The following ZNF804B variants were observed in gnomAD, a reference collection of about 807,000 sequenced individuals.
The protein encoded by ZNF804B is zinc finger protein 804B.
ZNF804B carries 80 observed loss-of-function variants against 101.4 expected under a neutral mutation model. The observed-to-expected ratio is 0.79, with a 90% CI of 0.66 to 0.95. The LOEUF is 0.95. ZNF804B is among the 40% of genes least tolerant of loss of function. The pLI, the probability that ZNF804B is intolerant of heterozygous loss-of-function variation, is 0.00. For synonymous variants in ZNF804B, 622 were observed against 558.8 expected (o/e 1.11, Z -1.59); for missense variants, 1,673 against 1,561.9 (o/e 1.07, Z -1.20).
rs561969153 is a variant in ZNF804B at position 88,932,856 on chromosome 7, AAAG to A, written c.108+172778_108+172780del. On this transcript the variant is annotated intron_variant, in intron 1 of 3. Coordinates refer to ENST00000333190, the MANE Select transcript of ZNF804B (RefSeq NM_181646.5). ...TTTGAATTCTTCTTTTCAAATTCTC[AAAG>A]AAGAATTGGTAACATTCCTACTGAA... Among the ~76,000 whole-genome samples, 26 of 151,962 alleles carry A rather than the reference AAAG, an allele frequency of 1.7e-4. No individual in the cohort carries two copies. In the East Asian group the frequency reaches 4.8e-3, roughly 28 times the overall value.
At chr7:89,125,369 G>A (rs1379386076) in intron 1 of ZNF804B, among the ~76,000 whole-genome samples, 4 of 151,692 alleles carry the variant, frequency 2.6e-5, no homozygotes, top group African/African-American at 9.7e-5. Context: ...GTGAATATAT[G>A]TAAAATGATC....
chr7:89,119,511 C>T (rs969163420), intron 1 of ZNF804B, among the ~76,000 whole-genome samples: 8 of 152,150 alleles, frequency 5.3e-5, no homozygotes, highest in Admixed American at 2.0e-4. Flanking sequence ...TGCTTTTCTC[C>T]GTTCTTCCTC....
intron 3 of ZNF804B, among the ~76,000 whole-genome samples, chr7:89,328,311 A>C (rs971713319): frequency 4.6e-5 from 7 of 151,936 alleles, no homozygotes; most frequent in African/African-American, 1.7e-4. Context: ...TGTAGGACCA[A>C]TTATGAGTAA....
chr7:89,188,470 A>G (rs1349418429), intron 1 of ZNF804B, among the ~76,000 whole-genome samples: 22 of 152,086 alleles, frequency 1.4e-4, no homozygotes, highest in Non-Finnish European at 1.5e-5. Flanking sequence ...GTGTTTAAGA[A>G]ATAGGAAAGT....
intron 1 of ZNF804B, among the ~76,000 whole-genome samples, chr7:89,011,878 G>A (rs73707727): frequency 0.05 from 7,673 of 152,096 alleles, 439 homozygotes; most frequent in African/African-American, 0.14. Context: ...GGGCCTCTTC[G>A]CACAGCTCCA....
Position 88,955,098 on chromosome 7 carries a change from TAA to T in ZNF804B, c.108+195027_108+195028del, listed in dbSNP as rs71686935. The stretch of plus-strand genomic sequence containing the variant: ...AATATCGTGAGCCCTTGTCTCTATT[TAA>T]AAAAAAAAAAAAGGAAAAAAAAGTT... On this transcript the variant is annotated intron_variant, in intron 1 of 3. Transcript: ENST00000333190. Among the ~76,000 whole-genome samples the T allele has an allele frequency of 1.5e-3, 209 of 142,036 alleles. 1 individual carries two copies. Among genetic ancestry groups the T allele is most frequent in the Middle Eastern group, 3.6e-3 (1 of 278 alleles). The allele number at this position is 142,036 out of a possible 152,430, so 93.2% of individuals were successfully genotyped here.
At chr7:89,250,668 G>T (rs1402070525) in intron 2 of ZNF804B, among the ~76,000 whole-genome samples, 6 of 152,148 alleles carry the variant, frequency 3.9e-5, no homozygotes, top group Admixed American at 1.3e-4. Flanking sequence ...TATCCCTGAT[G>T]AACACAGACA....
chr7:88,760,235 G>A lies in ZNF804B; in HGVS notation c.108+151G>A, dbSNP rs146806301. ...ATAGGTATGGAGATACATCGTGTCC[G>A]TTTATACAATTTATTGACAGACTGT... On this transcript the variant is annotated intron_variant, in intron 1 of 3. Transcript: ENST00000333190. 7.7e-4 allele frequency: 489 copies of A among 637,004 alleles called. 5 individuals carry two copies. In the African/African-American group the frequency reaches 7.9e-3, roughly 10 times the overall value. 39.5% of individuals were successfully genotyped at this position (637,004 alleles called of 1,614,324 possible). A position where few individuals can be genotyped will look rare whatever the true frequency, so the allele number is the denominator to read the frequency against.
chr7:88,850,243 T>G (rs1478090522), intron 1 of ZNF804B, among the ~76,000 whole-genome samples: 1 of 152,122 alleles, frequency 6.6e-6, no homozygotes. Context: ...GGATAAAGTT[T>G]CCAGGCACAA....
At chr7:88,762,825 A>C (rs1789919544) in intron 1 of ZNF804B, among the ~76,000 whole-genome samples, 1 of 152,068 alleles carries the variant, frequency 6.6e-6, no homozygotes, top group Non-Finnish European at 1.5e-5. Flanking sequence ...AGTTGACTTA[A>C]CTAACTTTCA....
chr7:89,188,068 T>A (rs1010520161), intron 1 of ZNF804B, among the ~76,000 whole-genome samples: 1 of 149,722 alleles, frequency 6.7e-6, no homozygotes, highest in Admixed American at 6.7e-5. Context: ...ATTTTTTTTC[T>A]TTTTTTTTAC....
intron 1 of ZNF804B, among the ~76,000 whole-genome samples, chr7:89,070,473 G>A (rs1377257061): frequency 6.6e-6 from 1 of 152,152 alleles, no homozygotes; most frequent in African/African-American, 2.4e-5. Context: ...ATGCAGAGAT[G>A]AGGTGAGTGT....
At chr7:89,015,500 C>T (rs1483882717) in intron 1 of ZNF804B, among the ~76,000 whole-genome samples, 1 of 151,768 alleles carries the variant, frequency 6.6e-6, no homozygotes, top group African/African-American at 2.4e-5. Flanking sequence ...CCCCACCCCA[C>T]AACAGTCCCC....
chr7:88,803,068 T>C (rs1790614446), intron 1 of ZNF804B, among the ~76,000 whole-genome samples: 2 of 152,114 alleles, frequency 1.3e-5, no homozygotes, highest in Non-Finnish European at 2.9e-5. Flanking sequence ...TAGAGAGAAA[T>C]CTAGCCATGT....
chr7:89,024,895 A>G (rs2116221619), intron 1 of ZNF804B, among the ~76,000 whole-genome samples: 1 of 151,772 alleles, frequency 6.6e-6, no homozygotes, highest in East Asian at 1.9e-4. Context: ...GAATATAAGA[A>G]ATGAAAAAAA....
In ZNF804B at chr7:88,962,785, A is replaced by G. The variant is rs534991098; in HGVS notation, c.108+202701A>G. Among the ~76,000 whole-genome samples, 5 of 146,728 alleles carry G rather than the reference A, an allele frequency of 3.4e-5. No individual in the cohort carries two copies. The South Asian group carries it at 1.1e-3, about 31-fold the overall frequency. ...TATATAATTACATAATTATAAATTTATAGTCTTAAAAAGAGAGAAAGCATT... is the reference window on the plus strand; with the variant it reads ...TATATAATTACATAATTATAAATTTGTAGTCTTAAAAAGAGAGAAAGCATT... On this transcript the variant is annotated intron_variant, in intron 1 of 3. Transcript: ENST00000333190.
intron 1 of ZNF804B, among the ~76,000 whole-genome samples, chr7:88,831,042 A>G (rs1791124758): frequency 1.3e-5 from 2 of 152,082 alleles, no homozygotes; most frequent in South Asian, 2.1e-4. Flanking sequence ...TTTTGAAAAG[A>G]TAACAGTTGT....
chr7:89,268,156 T>C (rs1789827866), intron 2 of ZNF804B, among the ~76,000 whole-genome samples: 1 of 152,108 alleles, frequency 6.6e-6, no homozygotes, highest in African/African-American at 2.4e-5. Flanking sequence ...TACTTTTCTT[T>C]CTTCATAGTA....
chr7:89,207,817 T>C (rs1584054549), intron 1 of ZNF804B, among the ~76,000 whole-genome samples: 1 of 152,210 alleles, frequency 6.6e-6, no homozygotes, highest in East Asian at 1.9e-4. Context: ...TATTCTTTAA[T>C]AGACATTTGG....
Sources: gnomAD v4.1 joint callset for allele counts (sites outside exome capture counted in the v4.1 genomes callset) on GRCh38, gnomAD v4.1.1 for gene constraint, MANE v1.5 for transcripts, NCBI Gene and HGNC (gene_info 2026-07-23, HGNC 2026-07-21) for gene names.